LRP1B: variants seen among roughly 807,000 people sequenced by gnomAD.
The protein encoded by LRP1B is low-density lipoprotein receptor-related protein 1B.
A neutral mutation model predicts 556.6 loss-of-function variants in LRP1B; 217 were observed. The ratio of observed to expected loss-of-function variants is 0.39; its 90% confidence interval spans 0.35 to 0.44. LRP1B has a LOEUF of 0.44. Ranked by LOEUF, LRP1B falls within the 20% of genes least tolerant of loss-of-function variation. The probability of loss-of-function intolerance (pLI) is 1.00; values close to 1 mark genes in which losing one functional copy is unlikely to be tolerated. For missense variants in LRP1B, 5,053 were observed against 5,620.8 expected (o/e 0.90, Z 3.23); for synonymous variants, 2,047 against 1,865.8 (o/e 1.10, Z -2.50).
intron 2 of LRP1B, among the ~76,000 whole-genome samples, chr2:141,564,468 G>A (rs1686263506): frequency 6.6e-6 from 1 of 152,128 alleles, no homozygotes; most frequent in South Asian, 2.1e-4. Context: ...CATGGACAAA[G>A]AGAGAATAAG....
intron 2 of LRP1B, among the ~76,000 whole-genome samples, chr2:141,576,137 T>A (rs1038009169): frequency 1.3e-5 from 2 of 152,134 alleles, no homozygotes; most frequent in Admixed American, 1.3e-4. Flanking sequence ...TAAAGACACA[T>A]GCACACATAC....
rs114604630 is a variant in LRP1B at position 140,470,948 on chromosome 2, T to C, written c.9625+4190A>G. Among the ~76,000 whole-genome samples, 240 of 152,260 alleles carry C rather than the reference T, an allele frequency of 1.6e-3. 1 individual carries two copies. The highest frequency in any genetic ancestry group is 5.3e-3 in the African/African-American group (222 of 41,550). On this transcript the variant is annotated intron_variant, in intron 60 of 90. Transcript: ENST00000389484. ...TTGAGGAGATCCTTTCACTGAAAGATCAGTACTCCAGCAAAGGCGTATTAC... is the reference window on the plus strand; with the variant it reads ...TTGAGGAGATCCTTTCACTGAAAGACCAGTACTCCAGCAAAGGCGTATTAC...
chr2:141,882,211 C>G (rs1698980139), intron 1 of LRP1B, among the ~76,000 whole-genome samples: 1 of 152,090 alleles, frequency 6.6e-6, no homozygotes, highest in Non-Finnish European at 1.5e-5. Flanking sequence ...TCAGCCACCC[C>G]CAAAGCCCAC....
intron 1 of LRP1B, among the ~76,000 whole-genome samples, chr2:142,027,427 T>C (rs1403938933): frequency 3.3e-5 from 5 of 151,860 alleles, no homozygotes; most frequent in Admixed American, 1.3e-4. Context: ...AGTCTATAAA[T>C]ATGGTAATTG....
At position 140,509,856 on chromosome 2, in the gene LRP1B, T is replaced by C. The variant is rs767078524; in HGVS notation, c.8398+72A>G. 5.1e-4 allele frequency: 789 copies of C among 1,558,098 alleles called. 1 individual carries two copies. Among genetic ancestry groups the C allele is most frequent in the Non-Finnish European group, 5.3e-4 (605 of 1,151,450 alleles). On this transcript the variant is annotated intron_variant, in intron 52 of 90. Coordinates refer to ENST00000389484, the MANE Select transcript of LRP1B (RefSeq NM_018557.3). ...GCAATGGGAAATGTGCTATGGCAAA[T>C]ACTACAAAAACAAATAACCAAGGAT...
Position 140,989,564 on chromosome 2 carries a change from C to T in LRP1B, c.2738G>A (p.Ser913Asn). ...WLCDGANDCG[S>N]NEDESNQTCT... is the part of the protein sequence containing the mutation. ...AGTTTGATTGGATTCATCTTCATTG[C>T]TCCCACAGTCATTAGCTCCATCACA... The change falls in exon 17 of 91, where the codon AGC becomes AAC. Residue 913 changes from serine to asparagine, a missense_variant. By Grantham distance (46) the Ser-to-Asn change is conservative. Transcript: ENST00000389484. 1 of 1,613,304 alleles carries T rather than the reference C, an allele frequency of 6.2e-7. No individual in the cohort carries two copies. Among genetic ancestry groups the T allele is most frequent in the African/African-American group, 1.3e-5 (1 of 74,966 alleles).
intron 43 of LRP1B, among the ~76,000 whole-genome samples, chr2:140,546,336 A>G (rs1422563764): frequency 6.6e-6 from 1 of 152,038 alleles, no homozygotes; most frequent in Non-Finnish European, 1.5e-5. Flanking sequence ...GGTTGGTGAG[A>G]GAGGGCATCC....
At chr2:141,570,591 C>T (rs1686490706) in intron 2 of LRP1B, among the ~76,000 whole-genome samples, 1 of 69,614 alleles carries the variant, frequency 1.4e-5, no homozygotes, top group African/African-American at 3.3e-5. Flanking sequence ...AACAGTTTGA[C>T]CTCGGAAGAG....
intron 1 of LRP1B, among the ~76,000 whole-genome samples, chr2:141,867,030 A>G (rs74764140): frequency 2.1e-4 from 32 of 152,302 alleles, no homozygotes; most frequent in African/African-American, 7.5e-4. Context: ...ATTTAGGTCA[A>G]CAAAAGCAGC....
At position 140,605,842 on chromosome 2, in the gene LRP1B, T is replaced by A. The variant is rs575290416; in HGVS notation, c.6800-4203A>T. On this transcript the variant is annotated intron_variant, in intron 41 of 90. Transcript: ENST00000389484. ...ATAAAAATATTCAACAAACTAGCAATAGAACTTCCTCAACTTGATAAAAGG... is the reference window on the plus strand; with the variant it reads ...ATAAAAATATTCAACAAACTAGCAAAAGAACTTCCTCAACTTGATAAAAGG... Among the ~76,000 whole-genome samples the A allele has an allele frequency of 4.6e-5, 7 of 152,138 alleles. No homozygotes were observed. In the South Asian group the frequency reaches 1.5e-3, roughly 32 times the overall value.
At position 140,270,341 on chromosome 2, in the gene LRP1B, G is replaced by C. The variant is rs1370177234; in HGVS notation, c.13148C>G (p.Thr4383Ser). Reference protein sequence around the residue: ...KDSEDIFCNCTNGKIASSCQL... With the variant: ...KDSEDIFCNCSNGKIASSCQL... ...ACAGCTAGAGGCAATCTTTCCATTA[G>C]TGCAGCTGCAACAACAAAGAAAAAA... Residue 4383 changes from threonine (T) to serine (S), a missense_variant, in exon 86 of 91, where the codon ACT (threonine) becomes AGT (serine). Physicochemically the swap from Thr to Ser is moderately conservative, Grantham distance 58. Transcript: ENST00000389484. The C allele has an allele frequency of 3.7e-6, 6 of 1,603,162 alleles. No individual in the cohort carries two copies. Among genetic ancestry groups the C allele is most frequent in the Non-Finnish European group, 5.1e-6 (6 of 1,170,806 alleles).
At chr2:140,865,067 C>T (rs1692908710) in intron 27 of LRP1B, among the ~76,000 whole-genome samples, 1 of 152,052 alleles carries the variant, frequency 6.6e-6, no homozygotes, top group South Asian at 2.1e-4. Flanking sequence ...CCCACTACTG[C>T]TCCTTCATAT....
intron 3 of LRP1B, among the ~76,000 whole-genome samples, chr2:141,398,640 GC>G (rs1295379732): frequency 2.0e-5 from 3 of 152,158 alleles, no homozygotes; most frequent in Non-Finnish European, 4.4e-5. Flanking sequence ...AGTAGCCATG[GC>G]AGATAAAAGG....
intron 2 of LRP1B, among the ~76,000 whole-genome samples, chr2:141,593,186 A>G (rs947905897): frequency 6.6e-6 from 1 of 152,204 alleles, no homozygotes; most frequent in Non-Finnish European, 1.5e-5. Context: ...CAGGGAAGGC[A>G]TGAAACCTTT....
rs564776850 is a variant in LRP1B at position 141,032,511 on chromosome 2, A to G, written c.1790-12409T>C. On this transcript the variant is annotated intron_variant, in intron 11 of 90. Transcript: ENST00000389484. ...TAATATTACATATTATCAATCTTTC[A>G]TTCTTTAATCTGATGAATTTGGTGA... Among the ~76,000 whole-genome samples the G allele has an allele frequency of 4.1e-4, 62 of 152,108 alleles. 1 individual carries two copies. Among genetic ancestry groups the G allele is most frequent in the African/African-American group, 1.4e-3 (60 of 41,538 alleles).
At chr2:141,262,340 C>G (rs933541880) in intron 3 of LRP1B, among the ~76,000 whole-genome samples, 1 of 151,660 alleles carries the variant, frequency 6.6e-6, no homozygotes, top group Non-Finnish European at 1.5e-5. Flanking sequence ...AAGTTTGTTA[C>G]GAGATATATG....
intron 2 of LRP1B, among the ~76,000 whole-genome samples, chr2:141,552,438 G>C (rs1685788438): frequency 1.3e-5 from 2 of 151,922 alleles, no homozygotes; most frequent in African/African-American, 4.8e-5. Context: ...ACAAATCATA[G>C]ACTCCAAATT....
chr2:140,660,206 C>T (rs1406246823), intron 41 of LRP1B, among the ~76,000 whole-genome samples: 3 of 151,662 alleles, frequency 2.0e-5, no homozygotes, highest in Admixed American at 1.3e-4. Flanking sequence ...TTTCTGGGTT[C>T]GTCTTCATAT....
intron 7 of LRP1B, among the ~76,000 whole-genome samples, chr2:141,110,185 G>C (rs193203588): frequency 1.3e-5 from 2 of 152,200 alleles, no homozygotes; most frequent in Admixed American, 1.3e-4. Context: ...AAATAATTTA[G>C]GGTATAGGGA....
Sources: allele counts gnomAD v4.1 joint callset (sites outside exome capture counted in the v4.1 genomes callset), GRCh38; gene constraint gnomAD v4.1.1; transcripts MANE v1.5; gene names NCBI Gene and HGNC (gene_info 2026-07-23, HGNC 2026-07-21).